The following PDE4B variants were observed in gnomAD, a reference collection of about 807,000 sequenced individuals.
PDE4B encodes the protein 3',5'-cyclic-AMP phosphodiesterase 4B.
Under a neutral mutation model 82.2 loss-of-function variants are expected in PDE4B, and 20 were observed. That is an observed-to-expected ratio of 0.24 (90% CI 0.17 to 0.35). PDE4B has a LOEUF of 0.35. Among genes scored for constraint, PDE4B ranks in the 10% least tolerant of loss-of-function variants. PDE4B has a pLI of 1.00. For missense variants in PDE4B, 655 were observed against 907.2 expected (o/e 0.72, Z 3.57); for synonymous variants, 320 against 318.9 (o/e 1.00, Z -0.04).
intron 3 of PDE4B, among the ~76,000 whole-genome samples, chr1:66,153,172 A>G (rs560342759): frequency 6.6e-6 from 1 of 152,286 alleles, no homozygotes; most frequent in Admixed American, 6.5e-5. Context: ...GCTGCTCTGA[A>G]GAAGCCCTGC....
chr1:66,132,900 A>G (rs1402725693), intron 3 of PDE4B, among the ~76,000 whole-genome samples: 1 of 152,242 alleles, frequency 6.6e-6, no homozygotes, highest in Non-Finnish European at 1.5e-5. Context: ...AACTTGTTTA[A>G]CAGGCTTTTT....
intron 7 of PDE4B, among the ~76,000 whole-genome samples, chr1:66,319,218 T>TA: frequency 1.3e-5 from 2 of 152,310 alleles, no homozygotes; most frequent in Non-Finnish European, 2.9e-5. Flanking sequence ...AGATTTTAGC[T>TA]AGTAGTGTTT....
At chr1:66,216,203 TATATA>T (rs924240243) in intron 3 of PDE4B, among the ~76,000 whole-genome samples, 97 of 149,778 alleles carry the variant, frequency 6.5e-4, no homozygotes, top group Non-Finnish European at 1.1e-3. Flanking sequence ...CATAATTATG[TATATA>T]ATATAATATA....
At chr1:65,971,566 T>C (rs1384132733) in intron 3 of PDE4B, among the ~76,000 whole-genome samples, 1 of 152,168 alleles carries the variant, frequency 6.6e-6, no homozygotes, top group Non-Finnish European at 1.5e-5. Context: ...AAGGAATAAG[T>C]TGATCAAGTC....
chr1:66,244,348 T>A (rs537256924), intron 3 of PDE4B, among the ~76,000 whole-genome samples: 3 of 152,338 alleles, frequency 2.0e-5, no homozygotes, highest in South Asian at 2.1e-4. Context: ...ATGATTTTTT[T>A]AAAATATAAA....
intron 3 of PDE4B, among the ~76,000 whole-genome samples, chr1:65,940,293 T>A (rs1648373280): frequency 6.6e-6 from 1 of 151,350 alleles, no homozygotes; most frequent in Non-Finnish European, 1.5e-5. Context: ...CCGGGGTGAA[T>A]GGAGAATGGA....
chr1:66,045,042 A>G (rs1358623242), intron 3 of PDE4B, among the ~76,000 whole-genome samples: 7 of 151,706 alleles, frequency 4.6e-5, no homozygotes, highest in African/African-American at 1.7e-4. Context: ...TATGTATCTG[A>G]TCCTCTGCAT....
intron 7 of PDE4B, among the ~76,000 whole-genome samples, chr1:66,319,292 A>G (rs1301106780): frequency 6.6e-6 from 1 of 152,170 alleles, no homozygotes; most frequent in East Asian, 1.9e-4. Flanking sequence ...TCTCAACAGC[A>G]AACACATTTG....
At chr1:66,032,961 T>C (rs1257990363) in intron 3 of PDE4B, among the ~76,000 whole-genome samples, 2 of 152,158 alleles carry the variant, frequency 1.3e-5, no homozygotes, top group Non-Finnish European at 2.9e-5. Flanking sequence ...GCCTCATTTA[T>C]CTAATTCTTA....
intron 7 of PDE4B, among the ~76,000 whole-genome samples, chr1:66,299,273 A>G (rs901040606): frequency 6.6e-6 from 1 of 152,056 alleles, no homozygotes; most frequent in Admixed American, 6.6e-5. Context: ...TCTACTCTCT[A>G]TTATGAGCTC....
intron 1 of PDE4B, among the ~76,000 whole-genome samples, chr1:65,850,043 C>T (rs923185953): frequency 4.6e-5 from 7 of 152,016 alleles, no homozygotes; most frequent in East Asian, 3.9e-4. Context: ...TTCGCATTCC[C>T]ACCAGCAATA....
At chr1:65,939,117 C>A (rs901654512) in intron 3 of PDE4B, among the ~76,000 whole-genome samples, 2 of 152,060 alleles carry the variant, frequency 1.3e-5, no homozygotes, top group South Asian at 2.1e-4. Flanking sequence ...CAGAGAAATT[C>A]TGTTTTTTAT....
At chr1:65,863,000 C>A (rs974837124) in intron 1 of PDE4B, among the ~76,000 whole-genome samples, 2 of 152,004 alleles carry the variant, frequency 1.3e-5, no homozygotes, top group Admixed American at 1.3e-4. Flanking sequence ...AAAACCAGCT[C>A]CTGGATTCAT....
At chr1:65,971,845 C>G (rs1232340635) in intron 3 of PDE4B, among the ~76,000 whole-genome samples, 2 of 152,094 alleles carry the variant, frequency 1.3e-5, no homozygotes, top group African/African-American at 4.8e-5. Context: ...ATTCCTGTAG[C>G]TATAACAATA....
chr1:66,316,819 A>AGAAATGCCAAGAAAACCATAGCT (rs1553169522), intron 7 of PDE4B, among the ~76,000 whole-genome samples: 1 of 152,238 alleles, frequency 6.6e-6, no homozygotes, highest in Non-Finnish European at 1.5e-5. Context: ...CTTCAGAGGG[A>AGAAATGCCAAGAAAACCATAGCT]GAAATGCCAA....
rs1026125743 is a variant in PDE4B, at chr1:66,159,490, C to T, written c.282-87970C>T. Among the ~76,000 whole-genome samples, 4 of 152,050 alleles carry T rather than the reference C, an allele frequency of 2.6e-5. 1 individual carries two copies. In the South Asian group the frequency reaches 6.2e-4, roughly 24 times the overall value. ...CTCAAACTCCTGACCTCTCACCTGC[C>T]TTGGCCTCCCAAAGTGTTGGGATTA... is the stretch of plus-strand genomic sequence containing the variant. On this transcript the variant is annotated intron_variant, in intron 3 of 16. Transcript: ENST00000341517.
At chr1:65,846,283 T>C (rs1646267337) in intron 1 of PDE4B, among the ~76,000 whole-genome samples, 1 of 152,174 alleles carries the variant, frequency 6.6e-6, no homozygotes, top group Non-Finnish European at 1.5e-5. Context: ...CCATGAGCTC[T>C]GCATTTCCCA....
chr1:66,247,317 G>T, intron 3 of PDE4B, 143 bp from the exon 4 acceptor site: 1 of 502,640 alleles, frequency 2.0e-6, no homozygotes, highest in Non-Finnish European at 3.6e-6. Context: ...AAGCTGTGTT[G>T]AGGATGAAAA....
chr1:65,840,808 T>G (rs965511571), intron 1 of PDE4B, among the ~76,000 whole-genome samples: 11 of 152,194 alleles, frequency 7.2e-5, no homozygotes, highest in Admixed American at 7.2e-4. Context: ...AGAGCTGAAC[T>G]CGTAAAAGGC....
Sources: gnomAD v4.1 joint callset for allele counts (sites outside exome capture counted in the v4.1 genomes callset) on GRCh38, gnomAD v4.1.1 for gene constraint, MANE v1.5 for transcripts, NCBI Gene and HGNC (gene_info 2026-07-23, HGNC 2026-07-21) for gene names.